The following GLB1L2 variants were observed in gnomAD, a reference collection of about 807,000 sequenced individuals.
The protein encoded by GLB1L2 is beta-galactosidase-1-like protein 2.
A neutral mutation model predicts 84.1 loss-of-function variants in GLB1L2; 68 were observed. That is an observed-to-expected ratio of 0.81 (90% CI 0.67 to 0.99). GLB1L2 has a LOEUF of 0.99. GLB1L2 is among the 50% of genes least tolerant of loss of function. GLB1L2 has a pLI of 0.00. For synonymous variants in GLB1L2, 290 were observed against 318.0 expected, an observed-to-expected ratio of 0.91 and a Z score of 0.94; for missense variants, 762 against 805.6, an observed-to-expected ratio of 0.95 and a Z score of 0.66.
At chr11:134,354,631 T>C (rs1325016167) in intron 5 of GLB1L2, among the ~76,000 whole-genome samples, 1 of 152,144 alleles carries the variant, frequency 6.6e-6, no homozygotes, top group Admixed American at 6.5e-5. Context: ...TTGCTGGATA[T>C]AGAAGTGTCA....
chr11:134,340,453 G>A (rs1943446579), intron 1 of GLB1L2, among the ~76,000 whole-genome samples: 1 of 152,336 alleles, frequency 6.6e-6, no homozygotes, highest in Admixed American at 6.5e-5. Flanking sequence ...CGGCGGGCAG[G>A]TGAGTCTGGT....
chr11:134,337,907 T>G (rs574424701), intron 1 of GLB1L2, among the ~76,000 whole-genome samples: 48 of 152,308 alleles, frequency 3.2e-4, no homozygotes, highest in African/African-American at 1.1e-3. Context: ...AAAATTGAAT[T>G]TGTAAGCTAT....
In GLB1L2 at chr11:134,342,833, C is replaced by A. The variant is rs1377481418; in HGVS notation, c.166C>A (p.Leu56Met). 1 of 1,614,048 alleles carries A rather than the reference C, an allele frequency of 6.2e-7. No homozygotes were observed. The highest frequency in any genetic ancestry group is 2.2e-5 in the East Asian group (1 of 44,872). ...GCAGGCCAAGGGCTGGAACTTCATGCTGGAGGATTCCACCTTCTGGATCTT... is the reference window on the plus strand; with the variant it reads ...GCAGGCCAAGGGCTGGAACTTCATGATGGAGGATTCCACCTTCTGGATCTT... ...GLQAKGWNFM[L>M]EDSTFWIFGG... Residue 56 changes from leucine (L) to methionine (M), a missense_variant, in exon 2 of 19, where the codon CTG (leucine) becomes ATG (methionine). Transcript: ENST00000535456.
Position 134,374,385 on chromosome 11 carries a change from TG to T in GLB1L2, c.1707+133del. ...TGCCCAGAGGGTCTGAGAGGGCCGC[TG>T]GGGCCTCCCTGGGCCAGAGGAGTGG... On this transcript the variant is annotated intron_variant, in intron 17 of 18. Coordinates refer to ENST00000535456, the MANE Select transcript of GLB1L2 (RefSeq NM_001370461.1). The T allele has an allele frequency of 3.6e-6, 3 of 835,872 alleles. No individual in the cohort carries two copies. The South Asian group carries it at 4.6e-5, about 13-fold the overall frequency. 51.8% of individuals were successfully genotyped at this position (835,872 alleles called of 1,614,324 possible).
At chr11:134,348,268 A>G (rs61026557) in intron 5 of GLB1L2, among the ~76,000 whole-genome samples, 33,788 of 152,180 alleles carry the variant, frequency 0.22, 3,901 homozygotes, top group Middle Eastern at 0.32. Flanking sequence ...CAAATATTGC[A>G]TGGGTCATAC....
intron 7 of GLB1L2, 57 bp downstream of exon 7, chr11:134,359,198 ACGCTCC>A: frequency 7.9e-7 from 1 of 1,264,932 alleles, no homozygotes; most frequent in Non-Finnish European, 1.1e-6. Flanking sequence ...CTGGCTGTGC[ACGCTCC>A]CGCTGTGGGA....
rs1943428849 is a variant in GLB1L2 at position 134,339,086 on chromosome 11, C to A, written c.87-3668C>A. On this transcript the variant is annotated intron_variant, in intron 1 of 18. Transcript: ENST00000535456. This position sits in a 1 kb window ranked among gnomAD's most constrained non-coding sequence, Gnocchi z 5.7. ...AAAAGAAGGCAGGTGTTCCTGGTTT[C>A]ATCAGATAAAGGTCCATCGTGGATG... Among the ~76,000 whole-genome samples, 2 of 152,184 alleles carry A rather than the reference C, an allele frequency of 1.3e-5. No homozygotes were observed. The highest frequency in any genetic ancestry group is 2.4e-5 in the African/African-American group (1 of 41,436).
chr11:134,337,739 C>A (rs946614570), intron 1 of GLB1L2, among the ~76,000 whole-genome samples: 1 of 152,176 alleles, frequency 6.6e-6, no homozygotes, highest in Non-Finnish European at 1.5e-5. Flanking sequence ...TTGTGGGCAG[C>A]TGAACACACT....
rs574995251 is a variant in GLB1L2, at chr11:134,339,363, G to A, written c.87-3391G>A. ...TTAATAGCCATTTACATGATGCTTC[G>A]TTGTTTATGAAGCTGTAACTCGCAT... On this transcript the variant is annotated intron_variant, in intron 1 of 18. Coordinates refer to ENST00000535456, the MANE Select transcript of GLB1L2 (RefSeq NM_001370461.1). The surrounding 1 kb of genome is among the most constrained non-coding windows in gnomAD (Gnocchi z 5.7). Among the ~76,000 whole-genome samples the A allele has an allele frequency of 1.3e-4, 20 of 152,190 alleles. No homozygotes were observed. The highest frequency in any genetic ancestry group is 4.3e-4 in the African/African-American group (18 of 41,532).
rs1943306080 is a variant in GLB1L2, at chr11:134,332,149, T to TGA, written c.86+10_86+11dup. On this transcript the variant is annotated splice_region_variant and intron_variant, in intron 1 of 18. Transcript: ENST00000535456. The stretch of plus-strand genomic sequence containing the variant: ...CTTGGGCTTCCTGGTGCTCCGCAGG[T>TGA]GAGAGAGAGCTTCGCGCAGCACCTG... The TGA allele has an allele frequency of 6.4e-7, 1 of 1,563,906 alleles. No homozygotes were observed. Among genetic ancestry groups the TGA allele is most frequent in the Non-Finnish European group, 8.7e-7 (1 of 1,154,370 alleles).
At chr11:134,373,856 G>T in intron 16 of GLB1L2, 48 bp downstream of exon 16, 1 of 1,324,778 alleles carries the variant, frequency 7.5e-7, no homozygotes, top group Non-Finnish European at 1.1e-6. Flanking sequence ...GTATAGTGCT[G>T]TGTGGTGGGG....
At chr11:134,368,926 T>C in intron 10 of GLB1L2, 145 bp downstream of exon 10, 1 of 833,934 alleles carries the variant, frequency 1.2e-6, no homozygotes, top group Non-Finnish European at 1.9e-6. Context: ...GCCTGGACAG[T>C]CATGTTACAC....
At chr11:134,337,857 C>T (rs764967713) in intron 1 of GLB1L2, among the ~76,000 whole-genome samples, 3 of 152,162 alleles carry the variant, frequency 2.0e-5, no homozygotes, top group Non-Finnish European at 4.4e-5. Flanking sequence ...TCAGTTGAAC[C>T]TCTGTTTAGG....
At position 134,334,213 on chromosome 11, in the gene GLB1L2, A is replaced by G. The variant is rs534262724; in HGVS notation, c.86+2066A>G. Among the ~76,000 whole-genome samples, 4 of 152,228 alleles carry G rather than the reference A, an allele frequency of 2.6e-5. No individual in the cohort carries two copies. In the South Asian group the frequency reaches 8.3e-4, roughly 32 times the overall value. ...GCCAGTGGAATATAGGTCACGTGGA[A>G]ACTGGCCACCAAGTTCACTCTTTGT... On this transcript the variant is annotated intron_variant, in intron 1 of 18. Transcript: ENST00000535456. This position sits in a 1 kb window ranked among gnomAD's most constrained non-coding sequence, Gnocchi z 4.1.
rs532133564 is a variant in GLB1L2, at chr11:134,352,686, C to T, written c.559-3615C>T. ...TTTTGAGATGGAGTCTCGCTCTTGT[C>T]GCCCAGGCAGGAGTGCAGTGGCATG... is the stretch of plus-strand genomic sequence containing the variant. On this transcript the variant is annotated intron_variant, in intron 5 of 18. Coordinates refer to ENST00000535456, the MANE Select transcript of GLB1L2 (RefSeq NM_001370461.1). 4.4e-3 allele frequency among the ~76,000 whole-genome samples: 640 copies of T among 145,102 alleles called. 3 individuals carry two copies. Among genetic ancestry groups the T allele is most frequent in the African/African-American group, 0.015 (587 of 39,112 alleles).
intron 10 of GLB1L2, 21 bp downstream of exon 10, chr11:134,368,802 C>T (rs1317100986): frequency 6.2e-7 from 1 of 1,612,288 alleles, no homozygotes; most frequent in Non-Finnish European, 8.5e-7. Flanking sequence ...ATCAGCACTG[C>T]TCTCCCTGGT....
At chr11:134,368,072 C>T (rs1462287796) in intron 9 of GLB1L2, among the ~76,000 whole-genome samples, 1 of 152,222 alleles carries the variant, frequency 6.6e-6, no homozygotes, top group Non-Finnish European at 1.5e-5. Flanking sequence ...TGGGTGCACC[C>T]ATTTCCCACA....
chr11:134,348,198 T>C (rs145914020), intron 5 of GLB1L2, among the ~76,000 whole-genome samples: 1 of 152,232 alleles, frequency 6.6e-6, no homozygotes, highest in Non-Finnish European at 1.5e-5. Context: ...AAACACAGGA[T>C]GCTCAGTTAT....
chr11:134,342,733 A>G, intron 1 of GLB1L2, 21 bp from the exon 2 acceptor site: 2 of 1,608,018 alleles, frequency 1.2e-6, no homozygotes, highest in Non-Finnish European at 1.7e-6. Context: ...TCCAGGCTCC[A>G]GAATGTCTTT....
Sources: gnomAD v4.1 joint callset for allele counts (sites outside exome capture counted in the v4.1 genomes callset) on GRCh38, gnomAD v4.1.1 for gene constraint, Gnocchi (gnomAD v3.1) non-coding constraint, MANE v1.5 for transcripts, NCBI Gene and HGNC (gene_info 2026-07-23, HGNC 2026-07-21) for gene names.